The following ADAMTSL1 variants were observed in gnomAD, a reference collection of about 807,000 sequenced individuals.
ADAMTSL1 encodes the protein ADAMTS like 1.
Under a neutral mutation model 201.8 loss-of-function variants are expected in ADAMTSL1, and 126 were observed. The ratio of observed to expected loss-of-function variants is 0.62; its 90% CI spans 0.54 to 0.72. The LOEUF is 0.72. Among genes scored for constraint, ADAMTSL1 ranks in the 30% least tolerant of loss-of-function variants. ADAMTSL1 has a pLI of 0.00. For synonymous variants in ADAMTSL1, 1,121 were observed against 903.4 expected, an observed-to-expected ratio of 1.24 and a Z score of -4.32; for missense variants, 2,679 against 2,277.8, an observed-to-expected ratio of 1.18 and a Z score of -3.59.
At chr9:18,707,660 C>G (rs2133336982) in intron 14 of ADAMTSL1, among the ~76,000 whole-genome samples, 1 of 152,344 alleles carries the variant, frequency 6.6e-6, no homozygotes, top group South Asian at 2.1e-4. Context: ...AGAGCTGGGA[C>G]TAGAACAAAG....
intron 1 of ADAMTSL1, among the ~76,000 whole-genome samples, chr9:17,989,810 ACTTAAAAATAGCAT>A (rs1418427597): frequency 1.3e-5 from 2 of 151,678 alleles, no homozygotes; most frequent in African/African-American, 4.8e-5. Context: ...GCCTTTTCAA[ACTTAAAAATAGCAT>A]CTGATTTTTT....
intron 1 of ADAMTSL1, among the ~76,000 whole-genome samples, chr9:18,495,126 T>TA (rs1822469705): frequency 6.6e-6 from 1 of 152,204 alleles, no homozygotes; most frequent in Non-Finnish European, 1.5e-5. Context: ...GATGTCTGAT[T>TA]AATTATAAAT....
chr9:18,490,605 G>C (rs1822222719), intron 1 of ADAMTSL1, among the ~76,000 whole-genome samples: 1 of 152,094 alleles, frequency 6.6e-6, no homozygotes, highest in African/African-American at 2.4e-5. Context: ...TGAGGAAAGT[G>C]GATAAGATCA....
intron 1 of ADAMTSL1, among the ~76,000 whole-genome samples, chr9:17,940,805 C>CCT (rs1827207820): frequency 1.8e-5 from 1 of 56,592 alleles, no homozygotes; most frequent in Non-Finnish European, 3.5e-5. Context: ...AAATAACACC[C>CCT]CCCCCCCAAA....
intron 2 of ADAMTSL1, among the ~76,000 whole-genome samples, chr9:18,338,395 C>T (rs1835336495): frequency 6.6e-6 from 1 of 152,040 alleles, no homozygotes; most frequent in Non-Finnish European, 1.5e-5. Flanking sequence ...CCTACCCTTC[C>T]TGCCTGCTCA....
At chr9:18,562,111 T>C (rs543022248) in intron 3 of ADAMTSL1, among the ~76,000 whole-genome samples, 2 of 152,366 alleles carry the variant, frequency 1.3e-5, no homozygotes, top group East Asian at 3.9e-4. Flanking sequence ...AGTTTCTTCA[T>C]AGTGTCAATG....
intron 2 of ADAMTSL1, among the ~76,000 whole-genome samples, chr9:18,521,170 G>T (rs1315767390): frequency 6.6e-6 from 1 of 152,090 alleles, no homozygotes; most frequent in East Asian, 1.9e-4. Context: ...CCATAGGCAG[G>T]TGTTACCAGG....
chr9:18,695,240 A>G (rs1283833413), intron 13 of ADAMTSL1, among the ~76,000 whole-genome samples: 1 of 152,184 alleles, frequency 6.6e-6, no homozygotes, highest in Non-Finnish European at 1.5e-5. Flanking sequence ...CTTGGCTATT[A>G]ACATTTGGGA....
intron 3 of ADAMTSL1, among the ~76,000 whole-genome samples, chr9:18,547,529 T>C (rs1587526105): frequency 6.6e-6 from 1 of 150,906 alleles, no homozygotes; most frequent in African/African-American, 2.4e-5. Context: ...GATACCAGGG[T>C]TGAATTTCCT....
intron 2 of ADAMTSL1, among the ~76,000 whole-genome samples, chr9:18,338,830 A>G (rs948200138): frequency 2.0e-5 from 3 of 151,924 alleles, no homozygotes; most frequent in Non-Finnish European, 2.9e-5. Context: ...TTGTGTCCAT[A>G]TGTACTCAAA....
intron 2 of ADAMTSL1, among the ~76,000 whole-genome samples, chr9:18,276,551 C>G (rs1341628162): frequency 6.6e-6 from 1 of 152,144 alleles, no homozygotes; most frequent in South Asian, 2.1e-4. Context: ...ATACCTGAGG[C>G]TTGCTAATTT....
chr9:18,024,177 T>G (rs1370546631), intron 1 of ADAMTSL1, among the ~76,000 whole-genome samples: 2 of 152,164 alleles, frequency 1.3e-5, no homozygotes, highest in African/African-American at 4.8e-5. Flanking sequence ...TGTAAATGTT[T>G]TATAATTACT....
At chr9:18,582,584 C>T (rs1490470436) in intron 4 of ADAMTSL1, among the ~76,000 whole-genome samples, 1 of 152,090 alleles carries the variant, frequency 6.6e-6, no homozygotes, top group African/African-American at 2.4e-5. Flanking sequence ...TGCAGTGGCT[C>T]ACACCTGTAA....
At chr9:18,705,388 C>T (rs1017931900) in intron 13 of ADAMTSL1, among the ~76,000 whole-genome samples, 14 of 151,954 alleles carry the variant, frequency 9.2e-5, no homozygotes, top group Admixed American at 2.0e-4. Context: ...TGCTTCTGGG[C>T]TTTTTTTTCC....
At chr9:17,998,872 C>G (rs751971176) in intron 1 of ADAMTSL1, among the ~76,000 whole-genome samples, 5 of 152,048 alleles carry the variant, frequency 3.3e-5, no homozygotes, top group Admixed American at 1.3e-4. Flanking sequence ...CAACAGAAAT[C>G]AAGCATATGT....
intron 13 of ADAMTSL1, among the ~76,000 whole-genome samples, chr9:18,695,614 T>C (rs1831504795): frequency 6.6e-6 from 1 of 152,200 alleles, no homozygotes; most frequent in African/African-American, 2.4e-5. Flanking sequence ...CTGAGGTGCC[T>C]GAGACCACCT....
intron 1 of ADAMTSL1, among the ~76,000 whole-genome samples, chr9:18,143,517 C>T (rs1826494510): frequency 6.6e-6 from 1 of 151,790 alleles, no homozygotes; most frequent in African/African-American, 2.4e-5. Context: ...TTTTTAAAGC[C>T]GGGTTTTTTG....
At chr9:18,786,881 T>G (rs1281353227) in intron 19 of ADAMTSL1, among the ~76,000 whole-genome samples, 2 of 152,198 alleles carry the variant, frequency 1.3e-5, no homozygotes, top group South Asian at 4.1e-4. Context: ...CCAGAAAGTT[T>G]TGTACAGTGT....
At chr9:18,625,667 A>G (rs182347845) in intron 5 of ADAMTSL1, among the ~76,000 whole-genome samples, 7 of 152,288 alleles carry the variant, frequency 4.6e-5, no homozygotes, top group African/African-American at 9.6e-5. Context: ...CACAAGATTT[A>G]TTGACTTATA....
Sources: gnomAD v4.1 joint callset for allele counts (sites outside exome capture counted in the v4.1 genomes callset) on GRCh38, gnomAD v4.1.1 for gene constraint, MANE v1.5 for transcripts, NCBI Gene and HGNC (gene_info 2026-07-23, HGNC 2026-07-21) for gene names.